The following SUGCT variants were observed in gnomAD, a reference collection of about 807,000 sequenced individuals.
The protein encoded by SUGCT is succinyl-CoA:glutarate CoA-transferase.
A neutral mutation model predicts 55.0 loss-of-function variants in SUGCT; 41 were observed. That is an observed-to-expected ratio of 0.74 (90% CI 0.58 to 0.97). The LOEUF (loss-of-function observed/expected upper bound fraction) is 0.97. Ranked by LOEUF, SUGCT falls within the 50% of genes least tolerant of loss-of-function variation. The pLI is 0.00. For synonymous variants in SUGCT, 187 were observed against 200.4 expected (o/e 0.93, Z 0.56); for missense variants, 568 against 547.8 (o/e 1.04, Z -0.37).
chr7:40,844,184 T>G (rs1251436406), intron 13 of SUGCT, among the ~76,000 whole-genome samples: 2 of 152,132 alleles, frequency 1.3e-5, no homozygotes, highest in Non-Finnish European at 2.9e-5. Context: ...CCAGAAGGCA[T>G]GTGTTACAAT....
chr7:40,904,881 A>G, the SUGCT span, among the ~76,000 whole-genome samples: 17 of 152,226 alleles, frequency 1.1e-4, no homozygotes, highest in Admixed American at 9.8e-4. Context: ...TTCTACTTTG[A>G]TAACACCAAT....
the SUGCT span, among the ~76,000 whole-genome samples, chr7:40,960,030 T>A: frequency 3.9e-5 from 6 of 152,076 alleles, no homozygotes; most frequent in African/African-American, 1.4e-4. Context: ...CCCATTGAGA[T>A]GTGCCAGGTA....
At chr7:40,782,454 A>G (rs1342287631) in intron 13 of SUGCT, 2 of 152,066 alleles carry the variant, frequency 1.3e-5, no homozygotes, top group African/African-American at 2.4e-5. Context: ...TCTGTGGTCT[A>G]TGATATAAGG....
chr7:40,893,471 CTA>C, the SUGCT span, among the ~76,000 whole-genome samples: 2 of 152,202 alleles, frequency 1.3e-5, no homozygotes, highest in South Asian at 4.2e-4. Flanking sequence ...TTCAAGAAGA[CTA>C]AAACCATTCC....
chr7:40,715,448 T>G (rs1785970463), intron 12 of SUGCT, among the ~76,000 whole-genome samples: 1 of 152,148 alleles, frequency 6.6e-6, no homozygotes, highest in Non-Finnish European at 1.5e-5. Context: ...GGAAGGAATG[T>G]CACCCAAAGC....
the SUGCT span, among the ~76,000 whole-genome samples, chr7:40,916,100 CACACAG>C: frequency 7.6e-6 from 1 of 131,492 alleles, no homozygotes; most frequent in African/African-American, 2.8e-5. Flanking sequence ...CACACACACA[CACACAG>C]ATATACATAT....
chr7:40,966,044 T>C, the SUGCT span: 1 of 152,204 alleles, frequency 6.6e-6, no homozygotes, highest in Non-Finnish European at 1.5e-5. Context: ...AATAAGTATC[T>C]CTATTTGCAT....
chr7:40,825,008 C>T (rs1792243968), intron 13 of SUGCT, among the ~76,000 whole-genome samples: 1 of 152,176 alleles, frequency 6.6e-6, no homozygotes, highest in African/African-American at 2.4e-5. Context: ...TGCAGTCTTT[C>T]AGGAACCCAA....
At chr7:40,951,580 T>C in the SUGCT span, among the ~76,000 whole-genome samples, 1 of 152,202 alleles carries the variant, frequency 6.6e-6, no homozygotes, top group Non-Finnish European at 1.5e-5. Context: ...TGCTTTCTCT[T>C]GTGGGCATTT....
the SUGCT span, among the ~76,000 whole-genome samples, chr7:40,975,969 C>T: frequency 5.9e-5 from 9 of 152,154 alleles, no homozygotes; most frequent in African/African-American, 1.7e-4. Context: ...TCCATGACCA[C>T]GTCTGTGTCA....
intron 13 of SUGCT, among the ~76,000 whole-genome samples, chr7:40,812,913 G>C (rs1182267103): frequency 6.6e-6 from 1 of 152,066 alleles, no homozygotes; most frequent in Admixed American, 6.5e-5. Context: ...TTGGTAGGTT[G>C]TGACTCTATT....
rs560064258 is a variant in SUGCT, at chr7:40,846,690, C to G, written c.1154-13626C>G. ...TATAATACAGTACTGCTTTATAACA[C>G]CATCTGCTAAAGAATGGTATTTATC... On this transcript the variant is annotated intron_variant, in intron 13 of 13. Transcript: ENST00000335693. Among the ~76,000 whole-genome samples, 13 of 152,276 alleles carry G rather than the reference C, an allele frequency of 8.5e-5. No individual in the cohort carries two copies. The South Asian group carries it at 2.7e-3, about 32-fold the overall frequency.
chr7:40,463,889 A>C (rs530007599), intron 11 of SUGCT, among the ~76,000 whole-genome samples: 12 of 152,308 alleles, frequency 7.9e-5, no homozygotes, highest in Non-Finnish European at 1.2e-4. Flanking sequence ...GCTAAAACAG[A>C]AGAGGAGATA....
intron 13 of SUGCT, among the ~76,000 whole-genome samples, chr7:40,797,980 G>C (rs1174495023): frequency 1.3e-5 from 2 of 152,106 alleles, no homozygotes; most frequent in South Asian, 2.1e-4. Context: ...ACAGTTGCAT[G>C]ACCTATGTTA....
Position 40,679,793 on chromosome 7 carries a change from C to A in SUGCT, c.1090-69641C>A, listed in dbSNP as rs548389971. Among the ~76,000 whole-genome samples, 48 of 152,292 alleles carry A rather than the reference C, an allele frequency of 3.2e-4. 1 individual carries two copies. Among genetic ancestry groups the A allele is most frequent in the South Asian group, 1.7e-3 (8 of 4,826 alleles). ...AGTTTGTCTTTATTAAAATCCTCCT[C>A]CCTTTTCCAGATCTCATTTGCTATC... On this transcript the variant is annotated intron_variant, in intron 12 of 13. Transcript: ENST00000335693.
intron 12 of SUGCT, among the ~76,000 whole-genome samples, chr7:40,703,976 C>T (rs1391876115): frequency 3.3e-5 from 5 of 152,194 alleles, no homozygotes; most frequent in East Asian, 1.9e-4. Context: ...CTGACCTGAC[C>T]GGAGGAGACT....
At chr7:40,151,389 C>T (rs1405560348) in intron 1 of SUGCT, among the ~76,000 whole-genome samples, 2 of 152,234 alleles carry the variant, frequency 1.3e-5, no homozygotes, top group African/African-American at 4.8e-5. Context: ...TGTGTGGCAG[C>T]TGGACATGTC....
At chr7:41,016,621 A>C in the SUGCT span, among the ~76,000 whole-genome samples, 1 of 152,238 alleles carries the variant, frequency 6.6e-6, no homozygotes, top group African/African-American at 2.4e-5. Flanking sequence ...AGCACCCAGC[A>C]ATAACTGTGG....
the SUGCT span, among the ~76,000 whole-genome samples, chr7:40,990,985 A>G: frequency 6.6e-6 from 1 of 152,294 alleles, no homozygotes; most frequent in East Asian, 1.9e-4. Context: ...GCAATAAGTC[A>G]TTTTGCTTTC....
Sources: gnomAD v4.1 joint callset for allele counts (sites outside exome capture counted in the v4.1 genomes callset) on GRCh38, gnomAD v4.1.1 for gene constraint, MANE v1.5 for transcripts, NCBI Gene and HGNC (gene_info 2026-07-23, HGNC 2026-07-21) for gene names.